Variants in CTSC observed in about 807,000 individuals in gnomAD.
CTSC encodes cathepsin C, also known as dipeptidyl peptidase 1.
In CTSC, 37 loss-of-function variants were observed where a neutral mutation model predicts 40.9. The ratio of observed to expected loss-of-function variants is 0.91; its 90% CI spans 0.70 to 1.19. The LOEUF (loss-of-function observed/expected upper bound fraction) is 1.19. Among genes scored for constraint, CTSC ranks in the 50% most tolerant of loss-of-function variants. The pLI is 0.00. For missense variants in CTSC, 594 were observed against 567.3 expected (o/e 1.05, Z -0.48); for synonymous variants, 232 against 207.4 (o/e 1.12, Z -1.02).
At chr11:88,332,069 G>A (rs1450234223) in intron 2 of CTSC, among the ~76,000 whole-genome samples, 3 of 152,184 alleles carry the variant, frequency 2.0e-5, no homozygotes, top group Non-Finnish European at 4.4e-5. Context: ...ATAAAAGGAA[G>A]CAAGTTGTAG....
chr11:88,319,492 C>T (rs959531353), intron 2 of CTSC, among the ~76,000 whole-genome samples: 10 of 152,010 alleles, frequency 6.6e-5, no homozygotes, highest in Non-Finnish European at 1.0e-4. Flanking sequence ...GATTTTAAAA[C>T]ACATCAGAAA....
At position 88,331,307 on chromosome 11, in the gene CTSC, C is replaced by T. The variant is rs76718785; in HGVS notation, c.318+3630G>A. 6.6e-5 allele frequency among the ~76,000 whole-genome samples: 10 copies of T among 152,256 alleles called. No individual in the cohort carries two copies. The East Asian group carries it at 1.9e-3, about 29-fold the overall frequency. The stretch of plus-strand genomic sequence containing the variant: ...AGACACCAGTCTCAAGTCCAGGCCT[C>T]CAGAACTTCTGATGGACTGGCTTCA... On this transcript the variant is annotated intron_variant, in intron 2 of 6. Coordinates refer to ENST00000227266, the MANE Select transcript of CTSC (RefSeq NM_001814.6).
At chr11:88,298,470 A>G (rs556096448) in intron 5 of CTSC, 43 of 152,306 alleles carry the variant, frequency 2.8e-4, no homozygotes, top group African/African-American at 9.9e-4. Context: ...CTCTCTGACT[A>G]CAGAAAAGCT....
rs382733 is a variant in CTSC, at chr11:88,326,572, A to T, written c.318+8365T>A. On this transcript the variant is annotated intron_variant, in intron 2 of 6. Transcript: ENST00000227266. ...GCACTGATATTTGAGATCCTGGTAT[A>T]TTTTTGTAAATGTTAAGACATTCAC... 537,729 of 688,748 alleles carry T rather than the reference A, an allele frequency of 0.78. 212,005 individuals are homozygous for T. The highest frequency in any genetic ancestry group is 1 in the East Asian group (36,859 of 36,882). 42.7% of individuals were successfully genotyped at this position (688,748 alleles called of 1,614,324 possible).
intron 2 of CTSC, among the ~76,000 whole-genome samples, chr11:88,329,034 A>G (rs1938268696): frequency 6.6e-6 from 1 of 152,244 alleles, no homozygotes; most frequent in Non-Finnish European, 1.5e-5. Flanking sequence ...TAAAATTTCC[A>G]GCCATAATGA....
At chr11:88,310,116 C>A (rs1338564471) in intron 3 of CTSC, among the ~76,000 whole-genome samples, 1 of 151,830 alleles carries the variant, frequency 6.6e-6, no homozygotes, top group Non-Finnish European at 1.5e-5. Flanking sequence ...AGTAGCAACA[C>A]CCAGAAGTTT....
At chr11:88,296,419 G>A in intron 5 of CTSC, 155 bp from the exon 6 acceptor site, 7 of 859,150 alleles carry the variant, frequency 8.1e-6, no homozygotes, top group Non-Finnish European at 1.1e-5. Flanking sequence ...AACAAGCATT[G>A]TTGAGCTTAT....
Position 88,293,782 on chromosome 11 carries a change from T to A in CTSC, c.*224A>T. On this transcript the variant is annotated 3_prime_UTR_variant, in exon 7 of 7. Coordinates refer to ENST00000227266, the MANE Select transcript of CTSC (RefSeq NM_001814.6). ...AACTCTATTACTTCATAGCTGACCA[T>A]CTTCCAGAAAATTCCCACTTAATTG... 1.7e-6 allele frequency: 1 copy of A among 590,120 alleles called. No homozygotes were observed. Among genetic ancestry groups the A allele is most frequent in the Non-Finnish European group, 3.0e-6 (1 of 331,754 alleles). 36.6% of individuals were successfully genotyped at this position (590,120 alleles called of 1,614,324 possible).
At position 88,312,436 on chromosome 11, in the gene CTSC, G is replaced by A; in HGVS notation, c.437C>T (p.Ser146Phe). The A allele has an allele frequency of 6.2e-7, 1 of 1,614,124 alleles. No homozygotes were observed. The highest frequency in any genetic ancestry group is 1.1e-5 in the South Asian group (1 of 91,088). ...CFTGKKVGTA[S>F]ENVYVNIAHL... Reference sequence around the variant, plus strand: ...TGCTATGTTGACATACACATTCTCAGAGGCAGTTCCCACCTTCTTTCCGGT... The same window carrying A: ...TGCTATGTTGACATACACATTCTCAAAGGCAGTTCCCACCTTCTTTCCGGT... The change falls in exon 3 of 7, where the codon TCT (serine) becomes TTT (phenylalanine). Residue 146 changes from serine (S) to phenylalanine (F), a missense_variant. By Grantham distance (155) the Ser-to-Phe change is radical. Transcript: ENST00000227266.
intron 4 of CTSC, among the ~76,000 whole-genome samples, chr11:88,306,438 C>T (rs1270675927): frequency 6.6e-6 from 1 of 151,742 alleles, no homozygotes; most frequent in Non-Finnish European, 1.5e-5. Flanking sequence ...CCATGCCCCC[C>T]ATCCTTCCCC....
intron 2 of CTSC, chr11:88,325,522 C>T (rs964450749): frequency 1.0e-6 from 1 of 985,212 alleles, no homozygotes; most frequent in Non-Finnish European, 1.2e-6. Flanking sequence ...CCAAGGAAGT[C>T]TTTAGGCTTG....
At position 88,312,067 on chromosome 11, in the gene CTSC, C is replaced by T. The variant is rs545715269; in HGVS notation, c.485+321G>A. 4.5e-4 allele frequency among the ~76,000 whole-genome samples: 68 copies of T among 152,288 alleles called. 1 individual carries two copies. The South Asian group carries it at 9.5e-3, about 21-fold the overall frequency. On this transcript the variant is annotated intron_variant, in intron 3 of 6. Coordinates refer to ENST00000227266, the MANE Select transcript of CTSC (RefSeq NM_001814.6). Reference sequence around the variant, plus strand: ...CTATACTTGTTGCAGCATAAACATACGTATCTACTTGTATCATGCAACATG... The same window carrying T: ...CTATACTTGTTGCAGCATAAACATATGTATCTACTTGTATCATGCAACATG...
At chr11:88,310,222 A>G (rs1268094638) in intron 3 of CTSC, among the ~76,000 whole-genome samples, 2 of 151,514 alleles carry the variant, frequency 1.3e-5, no homozygotes, top group African/African-American at 4.9e-5. Context: ...AGTGATTCAC[A>G]ATAACATTAA....
chr11:88,328,238 G>C, intron 2 of CTSC: 1 of 1,309,032 alleles, frequency 7.6e-7, no homozygotes, highest in Admixed American at 1.7e-5. Flanking sequence ...ATTATGTTGA[G>C]ATTAAGCATC....
At chr11:88,295,373 C>T (rs552588258) in intron 6 of CTSC, among the ~76,000 whole-genome samples, 6 of 152,028 alleles carry the variant, frequency 3.9e-5, no homozygotes, top group African/African-American at 9.7e-5. Context: ...ATCTGAAAGC[C>T]TAAGTACAGA....
At chr11:88,297,398 T>C (rs539684545) in intron 5 of CTSC, 15 of 152,270 alleles carry the variant, frequency 9.9e-5, no homozygotes, top group Non-Finnish European at 1.5e-4. Flanking sequence ...ACTTTTTTTT[T>C]CCTCCTTTCT....
intron 1 of CTSC, among the ~76,000 whole-genome samples, chr11:88,337,135 TA>T (rs1373227341): frequency 6.6e-6 from 1 of 151,976 alleles, no homozygotes; most frequent in African/African-American, 2.4e-5. Flanking sequence ...AGTAAAATAG[TA>T]ATAAAAAATA....
In CTSC at chr11:88,316,279, C is replaced by A. The variant is rs569392701; in HGVS notation, c.319-3725G>T. ...TGGCTGTGTGATCCTGAGCAAGTCA[C>A]GTTCCTCTCTGTACTTTCAGTTTCC... On this transcript the variant is annotated intron_variant, in intron 2 of 6. Coordinates refer to ENST00000227266, the MANE Select transcript of CTSC (RefSeq NM_001814.6). 2.0e-5 allele frequency among the ~76,000 whole-genome samples: 3 copies of A among 152,278 alleles called. No homozygotes were observed. In the East Asian group the frequency reaches 5.8e-4, roughly 29 times the overall value.
chr11:88,316,804 A>T (rs1322594634), intron 2 of CTSC, among the ~76,000 whole-genome samples: 3 of 152,220 alleles, frequency 2.0e-5, no homozygotes, highest in Non-Finnish European at 4.4e-5. Context: ...TGGTGATGCC[A>T]ATATATCACA....
Sources: gnomAD v4.1 joint callset for allele counts (sites outside exome capture counted in the v4.1 genomes callset) on GRCh38, gnomAD v4.1.1 for gene constraint, MANE v1.5 for transcripts, NCBI Gene and HGNC (gene_info 2026-07-23, HGNC 2026-07-21) for gene names.